ANXA8: variants seen among roughly 807,000 people sequenced by gnomAD.
ANXA8 encodes annexin A8.
In ANXA8, 9 loss-of-function variants were observed where a neutral mutation model predicts 26.8. The ratio of observed to expected loss-of-function variants is 0.34; its 90% confidence interval spans 0.20 to 0.59. The LOEUF (loss-of-function observed/expected upper bound fraction) is 0.59, where lower values mean the gene tolerates loss of function less well. Among genes scored for constraint, ANXA8 ranks in the 20% least tolerant of loss-of-function variants. ANXA8 has a pLI of 0.84. For missense variants in ANXA8, 83 were observed against 238.5 expected (o/e 0.35, Z 4.29); for synonymous variants, 39 against 94.8 (o/e 0.41, Z 3.42).
chr10:47,671,192 G>T, the ANXA8 span, among the ~76,000 whole-genome samples: 3 of 151,890 alleles, frequency 2.0e-5, no homozygotes, highest in African/African-American at 7.3e-5. Context: ...GGAGGCTCAG[G>T]CGGATGGATC....
intron 6 of ANXA8, 149 bp downstream of exon 6, chr10:47,475,344 C>T: frequency 1.3e-6 from 2 of 1,566,772 alleles, no homozygotes; most frequent in South Asian, 2.2e-5. Context: ...ACCCTCTAAC[C>T]ATGCTGAGAC....
chr10:47,533,527 G>C, the ANXA8 span, among the ~76,000 whole-genome samples: 2 of 139,510 alleles, frequency 1.4e-5, no homozygotes, highest in Non-Finnish European at 3.1e-5. Context: ...TAGAAAGTCA[G>C]GCAGGGCAGG....
the ANXA8 span, among the ~76,000 whole-genome samples, chr10:47,513,137 C>T: frequency 1.7e-3 from 247 of 148,392 alleles, no homozygotes; most frequent in African/African-American, 5.8e-3. Flanking sequence ...GAGGTTCAAG[C>T]GATTCTCCTG....
chr10:47,741,758 C>T, the ANXA8 span, among the ~76,000 whole-genome samples: 2 of 150,156 alleles, frequency 1.3e-5, no homozygotes, highest in Non-Finnish European at 3.0e-5. Context: ...CAATAACCAT[C>T]GAATTATACA....
chr10:47,967,205 A>T, the ANXA8 span, among the ~76,000 whole-genome samples: 1 of 149,272 alleles, frequency 6.7e-6, no homozygotes, highest in Non-Finnish European at 1.5e-5. Flanking sequence ...TCCTGGCCTC[A>T]CTCTCCAGAG....
the ANXA8 span, among the ~76,000 whole-genome samples, chr10:47,733,059 T>C: frequency 2.0e-5 from 3 of 151,298 alleles, no homozygotes; most frequent in African/African-American, 4.8e-5. Context: ...GGGGACTTGA[T>C]TGACTCACAT....
the ANXA8 span, among the ~76,000 whole-genome samples, chr10:47,521,276 A>C: frequency 1.8e-4 from 25 of 137,424 alleles, 3 homozygotes; most frequent in Admixed American, 8.1e-4. Context: ...TGTAACATCC[A>C]TCAGGCTTTC....
the ANXA8 span, among the ~76,000 whole-genome samples, chr10:47,950,054 G>GA: frequency 1.3e-5 from 2 of 148,290 alleles, no homozygotes; most frequent in Admixed American, 6.7e-5. Context: ...TAAGAGGATG[G>GA]AAAAAAATAT....
chr10:47,599,398 T>G, the ANXA8 span, among the ~76,000 whole-genome samples: 1 of 147,640 alleles, frequency 6.8e-6, no homozygotes, highest in Non-Finnish European at 1.5e-5. Flanking sequence ...CTTTGTGTGG[T>G]CTGGGCCTTA....
the ANXA8 span, among the ~76,000 whole-genome samples, chr10:47,769,230 T>C: frequency 1.3e-5 from 2 of 149,184 alleles, no homozygotes; most frequent in Non-Finnish European, 1.5e-5. Context: ...CATTTGAGCA[T>C]GAAACCTCTT....
At chr10:47,645,529 G>T in the ANXA8 span, among the ~76,000 whole-genome samples, 2 of 150,334 alleles carry the variant, frequency 1.3e-5, no homozygotes, top group East Asian at 3.9e-4. Flanking sequence ...GAAAGACAAA[G>T]AAAGAAAAAG....
At chr10:47,651,166 C>G in the ANXA8 span, among the ~76,000 whole-genome samples, 1 of 151,268 alleles carries the variant, frequency 6.6e-6, no homozygotes, top group Non-Finnish European at 1.5e-5. Flanking sequence ...TGCCACTGCA[C>G]TCCAGCCTGG....
intron 1 of ANXA8, among the ~76,000 whole-genome samples, chr10:47,481,580 A>T (rs1588930429): frequency 6.6e-6 from 1 of 151,496 alleles, no homozygotes; most frequent in African/African-American, 2.4e-5. Context: ...GCTGTGGTGC[A>T]CCAGCGAGTG....
the ANXA8 span, among the ~76,000 whole-genome samples, chr10:47,544,141 G>C: frequency 6.6e-6 from 1 of 152,006 alleles, no homozygotes; most frequent in South Asian, 2.1e-4. Flanking sequence ...CTGAACGTAG[G>C]ATGGGGCCAC....
At chr10:47,952,211 A>T in the ANXA8 span, among the ~76,000 whole-genome samples, 1 of 151,780 alleles carries the variant, frequency 6.6e-6, no homozygotes, top group Non-Finnish European at 1.5e-5. Context: ...TCAGGTTGGG[A>T]GTGAGGCAGG....
At chr10:47,623,417 C>A in the ANXA8 span, among the ~76,000 whole-genome samples, 14 of 111,562 alleles carry the variant, frequency 1.3e-4, 1 homozygote, top group East Asian at 1.5e-3. Context: ...TTTGATGTAT[C>A]ATAATTGTTA....
chr10:47,487,150 T>C (rs1278869430), upstream of ANXA8: 30 of 1,327,152 alleles, frequency 2.3e-5, no homozygotes, highest in African/African-American at 2.9e-5. Context: ...ATGTAAAATA[T>C]GTTATGTCAA....
chr10:47,768,804 G>A, the ANXA8 span, among the ~76,000 whole-genome samples: 1 of 151,690 alleles, frequency 6.6e-6, no homozygotes, highest in African/African-American at 2.4e-5. Flanking sequence ...TGGTTCTGAT[G>A]AAGAGAGTAG....
the ANXA8 span, among the ~76,000 whole-genome samples, chr10:47,766,843 AC>A: frequency 5.6e-5 from 8 of 143,434 alleles, no homozygotes; most frequent in Non-Finnish European, 9.2e-5. Flanking sequence ...CTGTTTTCAG[AC>A]CTTGTTCTTC....
Sources: allele counts gnomAD v4.1 joint callset (sites outside exome capture counted in the v4.1 genomes callset), GRCh38; gene constraint gnomAD v4.1.1; transcripts MANE v1.5; gene names NCBI Gene and HGNC (gene_info 2026-07-23, HGNC 2026-07-21).